Variants in KMT2A observed in about 807,000 individuals in gnomAD.
KMT2A encodes the protein lysine methyltransferase 2A, also known as histone-lysine N-methyltransferase 2A.
Under a neutral mutation model 345.3 loss-of-function variants are expected in KMT2A, and 16 were observed. The ratio of observed to expected loss-of-function variants is 0.05; its 90% CI spans 0.03 to 0.07. KMT2A has a LOEUF of 0.07. Ranked by LOEUF, KMT2A falls within the 10% of genes least tolerant of loss-of-function variation. The probability of loss-of-function intolerance (pLI) is 1.00; values close to 1 mark genes in which losing one functional copy is unlikely to be tolerated. For synonymous variants in KMT2A, 1,599 were observed against 1,778.6 expected, an observed-to-expected ratio of 0.90 and a Z score of 2.54; for missense variants, 3,272 against 4,841.6, an observed-to-expected ratio of 0.68 and a Z score of 9.62.
chr11:118,496,864 T>C lies in KMT2A; in HGVS notation c.5664+497T>C, dbSNP rs1950417257. ...TCTTTAAAATGAAGATAATAACGCT[T>C]ACCTCAGAGTGGCTGTGAGGATTAA... On this transcript the variant is annotated intron_variant, in intron 20 of 35. Coordinates refer to ENST00000534358, the MANE Select transcript of KMT2A (RefSeq NM_001197104.2). The surrounding 1 kb of genome is among the most constrained non-coding windows in gnomAD (Gnocchi z 4.7). Among the ~76,000 whole-genome samples, 1 of 152,236 alleles carries C rather than the reference T, an allele frequency of 6.6e-6. No homozygotes were observed. Among genetic ancestry groups the C allele is most frequent in the South Asian group, 2.1e-4 (1 of 4,832 alleles).
chr11:118,509,699 C>T (rs768694882), intron 29 of KMT2A, among the ~76,000 whole-genome samples: 130 of 151,858 alleles, frequency 8.6e-4, no homozygotes, highest in South Asian at 6.3e-4. Context: ...ACTATCAGAT[C>T]GTCATACTAG....
rs530763781 is a variant in KMT2A, at chr11:118,488,495, T to C, written c.4333-119T>C. ...ATAGTCATTGCTTAATGAATATGTA[T>C]TGAATTAAATATATGCCAGTGGACT... On this transcript the variant is annotated intron_variant, in intron 10 of 35. Transcript: ENST00000534358. 6.2e-6 allele frequency: 6 copies of C among 961,670 alleles called. No homozygotes were observed. The South Asian group carries it at 7.9e-5, about 13-fold the overall frequency. The allele number at this position is 961,670 out of a possible 1,614,324, so 59.6% of individuals were successfully genotyped here. A position where few individuals can be genotyped will look rare whatever the true frequency, so the allele number is the denominator to read the frequency against.
Position 118,501,694 on chromosome 11 carries a change from A to G in KMT2A, c.6342A>G (p.Gln2114=), listed in dbSNP as rs374337395. The part of the protein sequence containing the change: ...SFTESSSKES[Q]NTAEIISPPS... ...CAGAAAGTTCATCAAAAGAGAGTCA[A>G]AACACAGCTGAAATTATAAGTCCTC... The change falls in exon 26 of 36, where the codon CAA becomes CAG. Residue 2114 remains glutamine (Q), a synonymous_variant. Transcript: ENST00000534358. 313 of 1,613,356 alleles carry G rather than the reference A, an allele frequency of 1.9e-4. No individual in the cohort carries two copies. The highest frequency in any genetic ancestry group is 2.6e-4 in the Non-Finnish European group (305 of 1,179,778).
chr11:118,449,129 G>A lies in KMT2A; in HGVS notation c.432+12185G>A, dbSNP rs566144398. On this transcript the variant is annotated intron_variant, in intron 1 of 35. Transcript: ENST00000534358. ...AATAGGTTAATGCCACCTAATGTGG[G>A]CTTCTCAGAATGTGATGGCAAACTT... is the stretch of plus-strand genomic sequence containing the variant. 2.0e-5 allele frequency: 3 copies of A among 152,172 alleles called. No homozygotes were observed. In the East Asian group the frequency reaches 5.8e-4, roughly 29 times the overall value. 9.4% of individuals were successfully genotyped at this position (152,172 alleles called of 1,614,324 possible).
intron 2 of KMT2A, among the ~76,000 whole-genome samples, chr11:118,471,001 C>G (rs1949933151): frequency 6.6e-6 from 1 of 152,176 alleles, no homozygotes; most frequent in African/African-American, 2.4e-5. Context: ...AACCTCTAAG[C>G]AGGGGAGTAG....
chr11:118,475,691 C>G (rs1950025124), intron 3 of KMT2A, among the ~76,000 whole-genome samples: 2 of 152,116 alleles, frequency 1.3e-5, no homozygotes, highest in South Asian at 4.2e-4. Flanking sequence ...GCACTACACT[C>G]CAGCCTGGGT....
Position 118,473,560 on chromosome 11 carries a change from C to A in KMT2A, c.2401C>A (p.His801Asn), listed in dbSNP as rs375240261. 7 of 1,614,000 alleles carry A rather than the reference C, an allele frequency of 4.3e-6. No individual in the cohort carries two copies. Among genetic ancestry groups the A allele is most frequent in the Non-Finnish European group, 5.9e-6 (7 of 1,180,052 alleles). Residue 801 changes from histidine (H) to asparagine (N), a missense_variant, in exon 3 of 36, where the codon CAT (histidine) becomes AAT (asparagine). Around this residue, in one of 27 missense-constraint regions of KMT2A, gnomAD observed 209 missense variants for 237.4 expected, o/e 0.88. Transcript: ENST00000534358. This position sits in a 1 kb window ranked among gnomAD's most constrained non-coding sequence, Gnocchi z 5.2. ...ALNPTFTFPS[H>N]SLTQSGESAE... The stretch of plus-strand genomic sequence containing the variant: ...AAACCCAACTTTTACTTTTCCTTCT[C>A]ATTCCCTGACTCAGTCTGGGGAATC...
In KMT2A at chr11:118,510,172, G is replaced by A. The variant is rs1555049722; in HGVS notation, c.11071+54G>A. On this transcript the variant is annotated intron_variant, in intron 30 of 35. Coordinates refer to ENST00000534358, the MANE Select transcript of KMT2A (RefSeq NM_001197104.2). This position sits in a 1 kb window ranked among gnomAD's most constrained non-coding sequence, Gnocchi z 4.1. Reference sequence around the variant, plus strand: ...CAGCAGAAGCCCTGTTTCAGCTAGAGCTTCATTTTCTGAGTATTAGCACCA... The same window carrying A: ...CAGCAGAAGCCCTGTTTCAGCTAGAACTTCATTTTCTGAGTATTAGCACCA... 5 of 1,457,348 alleles carry A rather than the reference G, an allele frequency of 3.4e-6. No homozygotes were observed. The South Asian group carries it at 3.9e-5, about 12-fold the overall frequency. 90.3% of individuals were successfully genotyped at this position (1,457,348 alleles called of 1,614,324 possible). A position where few individuals can be genotyped will look rare whatever the true frequency, so the allele number is the denominator to read the frequency against.
chr11:118,441,204 A>C (rs559726304), intron 1 of KMT2A, among the ~76,000 whole-genome samples: 8 of 151,752 alleles, frequency 5.3e-5, no homozygotes, highest in African/African-American at 1.9e-4. Context: ...GGGTCTCACT[A>C]TGTTGCCCAG....
intron 31 of KMT2A, among the ~76,000 whole-genome samples, chr11:118,516,032 T>A (rs148584651): frequency 6.6e-6 from 1 of 152,270 alleles, no homozygotes; most frequent in East Asian, 1.9e-4. Flanking sequence ...CAGGATTGTC[T>A]TAGATTAATC....
rs190770247 is a variant in KMT2A, at chr11:118,493,893, C to T, written c.5179-395C>T. ...TGCCTGGCTAATTTTGTATTTTTGGCGGAGATTGGGTTTCACCATGTTGGC... is the reference window on the plus strand; with the variant it reads ...TGCCTGGCTAATTTTGTATTTTTGGTGGAGATTGGGTTTCACCATGTTGGC... On this transcript the variant is annotated intron_variant, in intron 16 of 35. Transcript: ENST00000534358. This position sits in a 1 kb window ranked among gnomAD's most constrained non-coding sequence, Gnocchi z 5.8. Among the ~76,000 whole-genome samples the T allele has an allele frequency of 2.0e-5, 3 of 151,960 alleles. No individual in the cohort carries two copies. Among genetic ancestry groups the T allele is most frequent in the South Asian group, 2.1e-4 (1 of 4,802 alleles).
At chr11:118,519,476 T>C in intron 31 of KMT2A, 142 bp from the exon 32 acceptor site, 1 of 657,218 alleles carries the variant, frequency 1.5e-6, no homozygotes, top group Non-Finnish European at 2.7e-6. Context: ...GGCTATCTGA[T>C]GCTAATTTCG....
intron 1 of KMT2A, among the ~76,000 whole-genome samples, chr11:118,440,246 C>T (rs1262154334): frequency 1.3e-5 from 2 of 152,184 alleles, no homozygotes; most frequent in Non-Finnish European, 2.9e-5. Flanking sequence ...CCATAGGAGA[C>T]TTGTCCTTCA....
intron 24 of KMT2A, among the ~76,000 whole-genome samples, chr11:118,500,546 T>C (rs1950484006): frequency 6.6e-6 from 1 of 152,184 alleles, no homozygotes. Flanking sequence ...TTCAGCAGAT[T>C]TGAAGCAGTT....
chr11:118,443,059 C>T (rs1244260145), intron 1 of KMT2A, among the ~76,000 whole-genome samples: 2 of 152,140 alleles, frequency 1.3e-5, no homozygotes, highest in African/African-American at 2.4e-5. Flanking sequence ...TCTTTTATGG[C>T]ATGCATTAAA....
In KMT2A at chr11:118,503,448, G is replaced by A. The variant is rs183240996; in HGVS notation, c.7556G>A (p.Arg2519Gln). The change falls in exon 27 of 36, where the codon CGG becomes CAG. Residue 2519 changes from arginine (R) to glutamine (Q), a missense_variant. By Grantham distance (43) the Arg-to-Gln change is conservative. Around this residue, in one of 27 missense-constraint regions of KMT2A, gnomAD observed 445 missense variants for 500.9 expected, o/e 0.89. Coordinates refer to ENST00000534358, the MANE Select transcript of KMT2A (RefSeq NM_001197104.2). The surrounding 1 kb of genome is among the most constrained non-coding windows in gnomAD (Gnocchi z 5.3). ...TCTGCCAAGGAATTACAGGCACCAC[G>A]GAAACGCACAGTCAAAGTGACACTG... is the stretch of plus-strand genomic sequence containing the variant. ...EGSAKELQAP[R>Q]KRTVKVTLTP... 18 of 1,614,038 alleles carry A rather than the reference G, an allele frequency of 1.1e-5. No homozygotes were observed. The East Asian group carries it at 1.8e-4, about 16-fold the overall frequency.
intron 1 of KMT2A, among the ~76,000 whole-genome samples, chr11:118,461,561 G>A (rs1161034921): frequency 6.6e-6 from 1 of 152,158 alleles, no homozygotes; most frequent in African/African-American, 2.4e-5. Context: ...AGGTTTTGTG[G>A]CTATACTGTC....
chr11:118,502,560 C>A lies in KMT2A; in HGVS notation c.6668C>A (p.Ser2223Tyr). ...CCAATGAGAACTGGGAATACTTACT[C>A]TAGGAATAATGTTTCCTCAGTCTCC... is the stretch of plus-strand genomic sequence containing the variant. ...MSPMRTGNTY[S>Y]RNNVSSVSTT... is the part of the protein sequence containing the mutation. The change falls in exon 27 of 36, where the codon TCT becomes TAT. Residue 2223 changes from serine (S) to tyrosine (Y), a missense_variant. By Grantham distance (144) the Ser-to-Tyr change is moderately radical. Coordinates refer to ENST00000534358, the MANE Select transcript of KMT2A (RefSeq NM_001197104.2). The surrounding 1 kb of genome is among the most constrained non-coding windows in gnomAD (Gnocchi z 4.9). 6.2e-7 allele frequency: 1 copy of A among 1,614,152 alleles called. No individual in the cohort carries two copies. Among genetic ancestry groups the A allele is most frequent in the Non-Finnish European group, 8.5e-7 (1 of 1,180,030 alleles).
Position 118,504,032 on chromosome 11 carries a change from C to T in KMT2A, c.8140C>T (p.Leu2714Phe). The change falls in exon 27 of 36, where the codon CTT becomes TTT. Residue 2714 changes from leucine (L) to phenylalanine (F), a missense_variant. Physicochemically the swap from Leu to Phe is conservative, Grantham distance 22. Coordinates refer to ENST00000534358, the MANE Select transcript of KMT2A (RefSeq NM_001197104.2). The surrounding 1 kb of genome is among the most constrained non-coding windows in gnomAD (Gnocchi z 6.4). ...ATTTCGGGAGGAGGAACAGTGTGAT[C>T]TTCCAAAAATCTCACAGTTGGATGG... ...NLFREEEQCD[L>F]PKISQLDGVD... The T allele has an allele frequency of 6.2e-7, 1 of 1,614,138 alleles. No homozygotes were observed. Among genetic ancestry groups the T allele is most frequent in the Non-Finnish European group, 8.5e-7 (1 of 1,180,002 alleles).
Sources: gnomAD v4.1 joint callset for allele counts (sites outside exome capture counted in the v4.1 genomes callset) on GRCh38, gnomAD v4.1.1 for gene constraint, gnomAD v4.1.1 regional missense constraint, Gnocchi (gnomAD v3.1) non-coding constraint, MANE v1.5 for transcripts, NCBI Gene and HGNC (gene_info 2026-07-23, HGNC 2026-07-21) for gene names.